Variants in ADAMTS6 observed in about 807,000 individuals in gnomAD.
ADAMTS6 encodes the protein ADAM metallopeptidase with thrombospondin type 1 motif 6.
A neutral mutation model predicts 144.3 loss-of-function variants in ADAMTS6; 23 were observed. The observed-to-expected ratio is 0.16, with a 90% CI of 0.11 to 0.23. ADAMTS6 has a LOEUF of 0.23. ADAMTS6 is among the 10% of genes least tolerant of loss of function. The pLI, the probability that ADAMTS6 is intolerant of heterozygous loss-of-function variation, is 1.00. For missense variants in ADAMTS6, 999 were observed against 1,379.6 expected (o/e 0.72, Z 4.37); for synonymous variants, 444 against 457.5 (o/e 0.97, Z 0.38).
At chr5:65,199,799 A>C (rs1345163165) in intron 20 of ADAMTS6, among the ~76,000 whole-genome samples, 6 of 152,200 alleles carry the variant, frequency 3.9e-5, no homozygotes, top group Non-Finnish European at 8.8e-5. Context: ...ATATAAACAC[A>C]GTATCTCTTG....
At chr5:65,258,887 C>A (rs1760919113) in intron 14 of ADAMTS6, among the ~76,000 whole-genome samples, 1 of 152,004 alleles carries the variant, frequency 6.6e-6, no homozygotes, top group Admixed American at 6.6e-5. Flanking sequence ...AGATATGAAC[C>A]TGGAATTCAT....
At chr5:65,275,491 G>A (rs1665725543) in intron 11 of ADAMTS6, among the ~76,000 whole-genome samples, 1 of 151,476 alleles carries the variant, frequency 6.6e-6, no homozygotes, top group Non-Finnish European at 1.5e-5. Context: ...CATGTACTGT[G>A]GATCATAACA....
chr5:65,167,520 C>G (rs931403127), intron 24 of ADAMTS6, among the ~76,000 whole-genome samples: 1 of 150,344 alleles, frequency 6.7e-6, no homozygotes, highest in Admixed American at 6.6e-5. Flanking sequence ...GGAATCCTCC[C>G]TAACTCATTT....
intron 14 of ADAMTS6, among the ~76,000 whole-genome samples, chr5:65,257,732 T>A (rs961999994): frequency 6.6e-6 from 1 of 152,230 alleles, no homozygotes; most frequent in South Asian, 2.1e-4. Flanking sequence ...CACTTTTTTC[T>A]GGTCTCCTTA....
Position 65,268,155 on chromosome 5 carries a change from T to A in ADAMTS6, c.1620+5185A>T, listed in dbSNP as rs562561795. On this transcript the variant is annotated intron_variant, in intron 12 of 24. Transcript: ENST00000381055. ...AGGGCATTTAATAATACTATTCTAA[T>A]CCAGCCCTGTGTTTCCTATGGAAAG... Among the ~76,000 whole-genome samples, 163 of 152,290 alleles carry A rather than the reference T, an allele frequency of 1.1e-3. 1 individual carries two copies. The highest frequency in any genetic ancestry group is 3.8e-3 in the African/African-American group (156 of 41,560).
chr5:65,313,574 T>C (rs749984147), intron 9 of ADAMTS6, among the ~76,000 whole-genome samples: 2 of 152,020 alleles, frequency 1.3e-5, no homozygotes, highest in African/African-American at 4.8e-5. Context: ...TAGCAATATG[T>C]TCTAATCTGA....
intron 12 of ADAMTS6, among the ~76,000 whole-genome samples, chr5:65,265,063 C>CT (rs1239150722): frequency 6.6e-6 from 1 of 151,922 alleles, no homozygotes; most frequent in Non-Finnish European, 1.5e-5. Context: ...GCATAACGGA[C>CT]TTTTTAGAGC....
At chr5:65,337,884 G>C (rs1001070425) in intron 7 of ADAMTS6, among the ~76,000 whole-genome samples, 6 of 152,086 alleles carry the variant, frequency 3.9e-5, no homozygotes, top group African/African-American at 1.4e-4. Flanking sequence ...TATATAATTG[G>C]TATACTTTTA....
chr5:65,231,501 G>A (rs987998948), intron 15 of ADAMTS6, among the ~76,000 whole-genome samples: 3 of 152,094 alleles, frequency 2.0e-5, no homozygotes, highest in Non-Finnish European at 4.4e-5. Context: ...AGAAAAAGAT[G>A]CACTTGAATT....
At chr5:65,372,090 C>A (rs1368791872) in intron 7 of ADAMTS6, among the ~76,000 whole-genome samples, 1 of 151,242 alleles carries the variant, frequency 6.6e-6, no homozygotes, top group Non-Finnish European at 1.5e-5. Context: ...TTTGTCACCA[C>A]CACGCCTGCC....
intron 3 of ADAMTS6, 26 bp downstream of exon 3, chr5:65,470,752 A>T (rs762592502): frequency 6.6e-7 from 1 of 1,520,524 alleles, no homozygotes; most frequent in East Asian, 2.5e-5. Flanking sequence ...TCCCATCAGA[A>T]GTTTAAAATT....
At position 65,160,551 on chromosome 5, in the gene ADAMTS6, G is replaced by A. The variant is rs201214354; in HGVS notation, c.3245-8606C>T. ...AATCTCCTGACCTCGTGATCTGCCC[G>A]CCTCGCCCTCCCAAAGTGCTGGGAT... On this transcript the variant is annotated intron_variant, in intron 24 of 24. Coordinates refer to ENST00000381055, the MANE Select transcript of ADAMTS6 (RefSeq NM_197941.4). 5.9e-5 allele frequency among the ~76,000 whole-genome samples: 9 copies of A among 151,916 alleles called. No homozygotes were observed. The East Asian group carries it at 7.8e-4, about 13-fold the overall frequency.
chr5:65,200,572 AGT>A (rs1278932974), intron 20 of ADAMTS6, among the ~76,000 whole-genome samples: 1 of 152,208 alleles, frequency 6.6e-6, no homozygotes, highest in East Asian at 1.9e-4. Context: ...ATGACCAGTC[AGT>A]GTGTACCTAA....
intron 15 of ADAMTS6, among the ~76,000 whole-genome samples, chr5:65,229,016 C>T (rs1757937063): frequency 1.3e-5 from 2 of 152,212 alleles, no homozygotes; most frequent in South Asian, 4.1e-4. Flanking sequence ...CCCATTCTCC[C>T]CCAACTGCTG....
At chr5:65,291,969 T>C (rs1012259290) in intron 10 of ADAMTS6, among the ~76,000 whole-genome samples, 3 of 152,172 alleles carry the variant, frequency 2.0e-5, no homozygotes, top group Non-Finnish European at 1.5e-5. Flanking sequence ...CACTAATAAA[T>C]GGGTTGAATG....
intron 7 of ADAMTS6, among the ~76,000 whole-genome samples, chr5:65,441,438 A>G (rs1262996055): frequency 1.3e-5 from 2 of 152,182 alleles, no homozygotes; most frequent in Non-Finnish European, 2.9e-5. Flanking sequence ...TAAAATGGTG[A>G]AAATCTGATT....
intron 1 of ADAMTS6, among the ~76,000 whole-genome samples, chr5:65,480,226 T>C (rs1761108816): frequency 6.6e-6 from 1 of 152,050 alleles, no homozygotes; most frequent in Non-Finnish European, 1.5e-5. Flanking sequence ...AAAAAGAACA[T>C]GTTGAAAATC....
chr5:65,406,923 G>T (rs1037471895), intron 7 of ADAMTS6, among the ~76,000 whole-genome samples: 1 of 152,106 alleles, frequency 6.6e-6, no homozygotes, highest in South Asian at 2.1e-4. Flanking sequence ...AGCGAGAAGA[G>T]AAGTTTAGAG....
chr5:65,366,907 G>C (rs771065166), intron 7 of ADAMTS6, among the ~76,000 whole-genome samples: 1 of 152,116 alleles, frequency 6.6e-6, no homozygotes, highest in Non-Finnish European at 1.5e-5. Context: ...GTCTATCCAA[G>C]AGGCAAGGAG....
Sources: gnomAD v4.1 joint callset for allele counts (sites outside exome capture counted in the v4.1 genomes callset) on GRCh38, gnomAD v4.1.1 for gene constraint, MANE v1.5 for transcripts, NCBI Gene and HGNC (gene_info 2026-07-23, HGNC 2026-07-21) for gene names.